The following ISM1 variants were observed in gnomAD, a reference collection of about 807,000 sequenced individuals.
ISM1 encodes isthmin 1.
Under a neutral mutation model 46.3 loss-of-function variants are expected in ISM1, and 25 were observed. The observed-to-expected ratio is 0.54, with a 90% CI of 0.39 to 0.75. The LOEUF is 0.75. Ranked by LOEUF, ISM1 falls within the 30% of genes least tolerant of loss-of-function variation. The pLI, the probability that ISM1 is intolerant of heterozygous loss-of-function variation, is 0.00. For synonymous variants in ISM1, 255 were observed against 256.7 expected (o/e 0.99, Z 0.06); for missense variants, 536 against 625.4 (o/e 0.86, Z 1.52).
chr20:13,229,513 T>C (rs887045192), intron 1 of ISM1, among the ~76,000 whole-genome samples: 1 of 152,242 alleles, frequency 6.6e-6, no homozygotes, highest in African/African-American at 2.4e-5. Context: ...TTCTCTCTTT[T>C]ATTGCTAAAT....
chr20:13,284,177 C>T (rs992999915), intron 3 of ISM1, among the ~76,000 whole-genome samples: 2 of 152,226 alleles, frequency 1.3e-5, no homozygotes, highest in Non-Finnish European at 2.9e-5. Context: ...CCTCAGTAAT[C>T]GGTAGACACT....
intron 1 of ISM1, among the ~76,000 whole-genome samples, chr20:13,241,261 G>T (rs1274130245): frequency 6.6e-6 from 1 of 152,110 alleles, no homozygotes; most frequent in African/African-American, 2.4e-5. Context: ...GTGAGGAAAT[G>T]GAGACAGAAT....
At chr20:13,254,021 C>T (rs1465568292) in intron 1 of ISM1, among the ~76,000 whole-genome samples, 2 of 148,338 alleles carry the variant, frequency 1.3e-5, no homozygotes, top group Admixed American at 6.8e-5. Context: ...AGTTCAAGAC[C>T]AGCCTGGCCA....
At chr20:13,324,176 T>C in the ISM1 span, among the ~76,000 whole-genome samples, 3 of 152,224 alleles carry the variant, frequency 2.0e-5, no homozygotes, top group South Asian at 2.1e-4. Flanking sequence ...AATGCTTGTG[T>C]ACCTGTTTAC....
intron 1 of ISM1, among the ~76,000 whole-genome samples, chr20:13,224,990 C>T (rs767549882): frequency 2.6e-5 from 4 of 151,158 alleles, no homozygotes; most frequent in East Asian, 1.9e-4. Context: ...GGACTACAGG[C>T]GCCTGCCACC....
intron 2 of ISM1, among the ~76,000 whole-genome samples, chr20:13,273,220 A>T (rs1000840829): frequency 6.9e-6 from 1 of 145,200 alleles, no homozygotes; most frequent in Non-Finnish European, 1.5e-5. Flanking sequence ...GGTCTTTTTT[A>T]TTTTATTTTA....
chr20:13,243,953 A>G (rs2039762393), intron 1 of ISM1: 2 of 152,226 alleles, frequency 1.3e-5, no homozygotes, highest in South Asian at 2.1e-4. Flanking sequence ...GCTTAGTGGA[A>G]TGAGGATAGA....
intron 1 of ISM1, among the ~76,000 whole-genome samples, chr20:13,258,577 T>G (rs2039952816): frequency 6.6e-6 from 1 of 152,176 alleles, no homozygotes; most frequent in African/African-American, 2.4e-5. Flanking sequence ...TGTTCTCTGT[T>G]GAACATCTCC....
chr20:13,286,713 G>T (rs527911704), intron 3 of ISM1, among the ~76,000 whole-genome samples: 4 of 152,318 alleles, frequency 2.6e-5, no homozygotes, highest in Non-Finnish European at 5.9e-5. Context: ...CCACAGCCCT[G>T]TGTTTGCCTG....
chr20:13,301,487 A>G (rs2123345016), downstream of ISM1, among the ~76,000 whole-genome samples: 1 of 152,262 alleles, frequency 6.6e-6, no homozygotes, highest in South Asian at 2.1e-4. Flanking sequence ...CCATGCCCAG[A>G]CATTTACACC....
intron 1 of ISM1, among the ~76,000 whole-genome samples, chr20:13,225,028 T>G (rs1354435686): frequency 1.4e-5 from 2 of 147,308 alleles, no homozygotes; most frequent in Non-Finnish European, 1.5e-5. Flanking sequence ...TTTTTTTTTG[T>G]ATTTTTAGTA....
intron 1 of ISM1, among the ~76,000 whole-genome samples, chr20:13,245,708 T>C (rs2039784859): frequency 6.6e-6 from 1 of 152,174 alleles, no homozygotes; most frequent in Non-Finnish European, 1.5e-5. Context: ...TTCTCATTTC[T>C]CTCCTTTCAT....
At chr20:13,306,983 A>T in the ISM1 span, among the ~76,000 whole-genome samples, 4 of 152,178 alleles carry the variant, frequency 2.6e-5, no homozygotes, top group Admixed American at 6.5e-5. Flanking sequence ...ACCACATTTG[A>T]ATCCCTCTTG....
At chr20:13,310,932 G>A in the ISM1 span, among the ~76,000 whole-genome samples, 18 of 152,214 alleles carry the variant, frequency 1.2e-4, no homozygotes, top group African/African-American at 2.4e-4. Flanking sequence ...GGTGGCTCAC[G>A]CCTGTAATCC....
rs2123252866 is a variant in ISM1, at chr20:13,270,714, G to C, written c.349G>C (p.Asp117His). Residue 117 changes from aspartate to histidine, a missense_variant, in exon 2 of 6, where the codon GAT becomes CAT. Around this residue, in one of 2 missense-constraint regions of ISM1, gnomAD observed 367 missense variants for 376.1 expected, o/e 0.98. Coordinates refer to ENST00000262487, the MANE Select transcript of ISM1 (RefSeq NM_080826.2). ...LPNFPDLSKA[D>H]INGQNPNIQV... ...AAACTTTCCAGATCTTTCCAAAGCT[G>C]ATATCAATGGGCAGAATCCAAATAT... 1 of 1,613,866 alleles carries C rather than the reference G, an allele frequency of 6.2e-7. No homozygotes were observed. Among genetic ancestry groups the C allele is most frequent in the South Asian group, 1.1e-5 (1 of 91,046 alleles).
At chr20:13,235,585 G>A (rs905185462) in intron 1 of ISM1, among the ~76,000 whole-genome samples, 4 of 152,194 alleles carry the variant, frequency 2.6e-5, no homozygotes, top group Non-Finnish European at 5.9e-5. Flanking sequence ...AGTTAGAGCT[G>A]GAGAAAGCTC....
At chr20:13,268,766 G>A (rs1034026195) in intron 1 of ISM1, among the ~76,000 whole-genome samples, 5 of 151,988 alleles carry the variant, frequency 3.3e-5, no homozygotes, top group Admixed American at 1.3e-4. Flanking sequence ...AAATCCATTC[G>A]CAGCTGGGCT....
chr20:13,308,087 T>A, the ISM1 span, among the ~76,000 whole-genome samples: 1 of 152,238 alleles, frequency 6.6e-6, no homozygotes, highest in Non-Finnish European at 1.5e-5. Context: ...CCCTTCACTG[T>A]CTTTCCTGAC....
At chr20:13,256,002 C>G (rs936528132) in intron 1 of ISM1, among the ~76,000 whole-genome samples, 1 of 151,904 alleles carries the variant, frequency 6.6e-6, no homozygotes, top group Non-Finnish European at 1.5e-5. Context: ...CCGTGAAGAT[C>G]CACCAGGCAG....
Sources: allele counts gnomAD v4.1 joint callset (sites outside exome capture counted in the v4.1 genomes callset), GRCh38; gene constraint gnomAD v4.1.1; regional missense constraint gnomAD v4.1.1; transcripts MANE v1.5; gene names NCBI Gene and HGNC (gene_info 2026-07-23, HGNC 2026-07-21).